ADAMTSL1: variants seen among roughly 807,000 people sequenced by gnomAD.
ADAMTSL1 encodes the protein ADAMTS like 1.
A neutral mutation model predicts 201.8 loss-of-function variants in ADAMTSL1; 126 were observed. The observed-to-expected ratio is 0.62, with a 90% CI of 0.54 to 0.72. The LOEUF (loss-of-function observed/expected upper bound fraction) is 0.72, where lower values mean the gene tolerates loss of function less well. ADAMTSL1 is among the 30% of genes least tolerant of loss of function. The pLI, the probability that ADAMTSL1 is intolerant of heterozygous loss-of-function variation, is 0.00. For synonymous variants in ADAMTSL1, 1,121 were observed against 903.4 expected (o/e 1.24, Z -4.32); for missense variants, 2,679 against 2,277.8 (o/e 1.18, Z -3.59).
chr9:18,482,938 T>C (rs1821803271), intron 1 of ADAMTSL1, among the ~76,000 whole-genome samples: 1 of 152,230 alleles, frequency 6.6e-6, no homozygotes, highest in Admixed American at 6.5e-5. Flanking sequence ...TACACACTTT[T>C]AGTTCTTATT....
intron 17 of ADAMTSL1, among the ~76,000 whole-genome samples, chr9:18,773,996 C>A (rs573399178): frequency 6.6e-6 from 1 of 152,342 alleles, no homozygotes; most frequent in Non-Finnish European, 1.5e-5. Flanking sequence ...TAGCATATAT[C>A]ACAGCACATC....
intron 19 of ADAMTSL1, among the ~76,000 whole-genome samples, chr9:18,782,714 A>G (rs945136114): frequency 1.3e-5 from 2 of 152,230 alleles, no homozygotes; most frequent in African/African-American, 4.8e-5. Context: ...ACCGCTTTAG[A>G]TGGATGTGCT....
intron 2 of ADAMTSL1, among the ~76,000 whole-genome samples, chr9:18,414,827 A>G (rs1453859995): frequency 2.6e-5 from 4 of 152,228 alleles, no homozygotes; most frequent in African/African-American, 7.2e-5. Context: ...TTAAAAAACC[A>G]CACATTATCA....
chr9:18,215,405 G>C (rs1212376291), intron 2 of ADAMTSL1, among the ~76,000 whole-genome samples: 3 of 152,022 alleles, frequency 2.0e-5, no homozygotes, highest in Middle Eastern at 3.2e-3. Context: ...TAAAAATGAA[G>C]ACAAGAAATA....
At chr9:18,541,800 C>G (rs190100520) in intron 3 of ADAMTSL1, among the ~76,000 whole-genome samples, 1 of 152,200 alleles carries the variant, frequency 6.6e-6, no homozygotes, top group Admixed American at 6.5e-5. Context: ...AAATTGGAAA[C>G]AAATGGAGGA....
intron 2 of ADAMTSL1, among the ~76,000 whole-genome samples, chr9:18,245,271 C>A (rs183521847): frequency 1.0e-3 from 158 of 151,750 alleles, no homozygotes; most frequent in African/African-American, 3.6e-3. Context: ...AGAAATAGGT[C>A]AAATGAGTAA....
At chr9:18,108,951 C>G (rs10119063) in intron 1 of ADAMTSL1, among the ~76,000 whole-genome samples, 28 of 151,938 alleles carry the variant, frequency 1.8e-4, no homozygotes, top group Non-Finnish European at 3.2e-4. Flanking sequence ...TGTCCCTGAT[C>G]GTGGTATAAA....
intron 2 of ADAMTSL1, among the ~76,000 whole-genome samples, chr9:18,401,635 C>T (rs146149403): frequency 6.6e-6 from 1 of 152,284 alleles, no homozygotes; most frequent in African/African-American, 2.4e-5. Context: ...TTAATGGTTG[C>T]GAGAACACAT....
intron 1 of ADAMTSL1, among the ~76,000 whole-genome samples, chr9:17,982,403 A>C (rs1818742511): frequency 6.6e-6 from 1 of 152,126 alleles, no homozygotes; most frequent in South Asian, 2.1e-4. Context: ...TCACGAAGTA[A>C]GGAGTTCGAG....
intron 1 of ADAMTSL1, among the ~76,000 whole-genome samples, chr9:18,111,331 T>C (rs1419059647): frequency 6.6e-6 from 1 of 152,200 alleles, no homozygotes; most frequent in East Asian, 1.9e-4. Flanking sequence ...AAACCCCAGA[T>C]GTGTTTTGTC....
At chr9:18,840,162 G>A (rs546053616) in intron 23 of ADAMTSL1, among the ~76,000 whole-genome samples, 1 of 150,160 alleles carries the variant, frequency 6.7e-6, no homozygotes, top group Non-Finnish European at 1.5e-5. Flanking sequence ...GGTTTTTATG[G>A]TTTTAGGTCT....
chr9:18,674,231 C>CACAT (rs1564139484), intron 9 of ADAMTSL1, among the ~76,000 whole-genome samples: 1 of 150,578 alleles, frequency 6.6e-6, no homozygotes, highest in African/African-American at 2.4e-5. Flanking sequence ...CAAACACACA[C>CACAT]ATCATGAAAA....
chr9:18,581,846 C>T (rs1246972709), intron 4 of ADAMTSL1, among the ~76,000 whole-genome samples: 9 of 152,154 alleles, frequency 5.9e-5, no homozygotes, highest in Admixed American at 2.0e-4. Flanking sequence ...TATGTGCCTG[C>T]CAAGGAGGCA....
intron 2 of ADAMTSL1, among the ~76,000 whole-genome samples, chr9:18,207,479 T>C (rs987395695): frequency 3.9e-5 from 6 of 152,170 alleles, no homozygotes; most frequent in Non-Finnish European, 5.9e-5. Context: ...TGGTGCTTGG[T>C]CAAATAGTTA....
intron 2 of ADAMTSL1, among the ~76,000 whole-genome samples, chr9:18,267,430 C>A (rs1054714109): frequency 6.6e-6 from 1 of 152,088 alleles, no homozygotes; most frequent in Non-Finnish European, 1.5e-5. Flanking sequence ...AGTTCATACA[C>A]AGAAACTTAT....
intron 1 of ADAMTSL1, among the ~76,000 whole-genome samples, chr9:18,039,190 T>C (rs1405522953): frequency 6.6e-6 from 1 of 152,312 alleles, no homozygotes; most frequent in South Asian, 2.1e-4. Context: ...AGAATGATTA[T>C]CTTGTGCCAT....
chr9:18,199,698 T>C (rs1377369135), intron 2 of ADAMTSL1, among the ~76,000 whole-genome samples: 1 of 152,102 alleles, frequency 6.6e-6, no homozygotes, highest in African/African-American at 2.4e-5. Flanking sequence ...GTGGATATAT[T>C]TGAGTTTTTT....
At chr9:18,809,666 G>C (rs1823381470) in intron 20 of ADAMTSL1, among the ~76,000 whole-genome samples, 1 of 152,108 alleles carries the variant, frequency 6.6e-6, no homozygotes, top group African/African-American at 2.4e-5. Flanking sequence ...GTGCATGCCT[G>C]TAATCTCAGC....
chr9:18,437,367 G>T (rs565071466), intron 2 of ADAMTSL1, among the ~76,000 whole-genome samples: 1 of 152,066 alleles, frequency 6.6e-6, no homozygotes, highest in South Asian at 2.1e-4. Flanking sequence ...TGCTAGTTTT[G>T]TTCAGAGTCT....
Sources: gnomAD v4.1 joint callset for allele counts (sites outside exome capture counted in the v4.1 genomes callset) on GRCh38, gnomAD v4.1.1 for gene constraint, MANE v1.5 for transcripts, NCBI Gene and HGNC (gene_info 2026-07-23, HGNC 2026-07-21) for gene names.